Variants in NRG3 observed in about 807,000 individuals in gnomAD.
The protein encoded by NRG3 is pro-neuregulin-3, membrane-bound isoform.
In NRG3, 31 loss-of-function variants were observed where a neutral mutation model predicts 66.9. The observed-to-expected ratio is 0.46, with a 90% CI of 0.35 to 0.63. The LOEUF (loss-of-function observed/expected upper bound fraction) is 0.63, where lower values mean the gene tolerates loss of function less well. Among genes scored for constraint, NRG3 ranks in the 20% least tolerant of loss-of-function variants. The pLI is 0.00. For synonymous variants in NRG3, 393 were observed against 359.4 expected (o/e 1.09, Z -1.06); for missense variants, 910 against 878.9 (o/e 1.04, Z -0.45).
chr10:82,982,738 T>C (rs1254923264), intron 8 of NRG3, among the ~76,000 whole-genome samples: 3 of 152,202 alleles, frequency 2.0e-5, no homozygotes, highest in Admixed American at 6.5e-5. Context: ...TTCCAGAGCA[T>C]ATAGTAATTT....
chr10:81,972,060 A>G (rs1406959826), intron 1 of NRG3, among the ~76,000 whole-genome samples: 1 of 152,180 alleles, frequency 6.6e-6, no homozygotes, highest in African/African-American at 2.4e-5. Flanking sequence ...TGGAAATTTC[A>G]TAACCATCAG....
chr10:82,033,715 G>C (rs929193199), intron 1 of NRG3, among the ~76,000 whole-genome samples: 1 of 152,056 alleles, frequency 6.6e-6, no homozygotes, highest in African/African-American at 2.4e-5. Flanking sequence ...TTGTCATGCA[G>C]GATGCATCAG....
At chr10:82,442,881 C>G (rs2090512874) in intron 2 of NRG3, among the ~76,000 whole-genome samples, 1 of 139,088 alleles carries the variant, frequency 7.2e-6, no homozygotes, top group Non-Finnish European at 1.5e-5. Context: ...TCTAACAGGC[C>G]TGTTATGCCA....
At chr10:82,577,912 G>C (rs2046126517) in intron 2 of NRG3, among the ~76,000 whole-genome samples, 2 of 151,572 alleles carry the variant, frequency 1.3e-5, no homozygotes. Flanking sequence ...TTCTTTGCAA[G>C]CTTTTTAAAA....
At chr10:81,901,993 A>G (rs776411549) in intron 1 of NRG3, among the ~76,000 whole-genome samples, 8 of 152,184 alleles carry the variant, frequency 5.3e-5, no homozygotes, top group Non-Finnish European at 1.0e-4. Context: ...CTTTATAAGC[A>G]GGTAACTTCC....
At chr10:82,735,474 A>T (rs2058108287) in intron 2 of NRG3, among the ~76,000 whole-genome samples, 1 of 152,212 alleles carries the variant, frequency 6.6e-6, no homozygotes, top group Non-Finnish European at 1.5e-5. Flanking sequence ...TTATTGCAAC[A>T]CTATTTGCAA....
chr10:82,893,779 ACTTTT>A (rs1457386369), intron 4 of NRG3, among the ~76,000 whole-genome samples: 4 of 152,200 alleles, frequency 2.6e-5, no homozygotes, highest in African/African-American at 4.8e-5. Context: ...AAATTTATGA[ACTTTT>A]CTTATATTAG....
chr10:82,411,256 A>AAAGG (rs1270770839), intron 2 of NRG3, among the ~76,000 whole-genome samples: 14 of 152,032 alleles, frequency 9.2e-5, no homozygotes, highest in Admixed American at 3.9e-4. Context: ...TATAAGGAGG[A>AAAGG]AAGGAAGGAA....
At chr10:82,919,096 T>TGTGTGCGC (rs1198329719) in intron 4 of NRG3, among the ~76,000 whole-genome samples, 20 of 127,120 alleles carry the variant, frequency 1.6e-4, no homozygotes, top group African/African-American at 6.2e-4. Flanking sequence ...TGTGTGTGTG[T>TGTGTGCGC]GTGTATGTGT....
intron 1 of NRG3, among the ~76,000 whole-genome samples, chr10:82,298,026 C>A (rs1207805419): frequency 6.6e-6 from 1 of 152,124 alleles, no homozygotes; most frequent in Non-Finnish European, 1.5e-5. Flanking sequence ...TGCTTGTAGT[C>A]CCAACTACTG....
At chr10:82,418,712 C>T (rs1362598650) in intron 2 of NRG3, among the ~76,000 whole-genome samples, 2 of 152,040 alleles carry the variant, frequency 1.3e-5, no homozygotes, top group Admixed American at 6.6e-5. Context: ...GCAATCCTGC[C>T]TCCTCAGCCT....
rs760560069 is a variant in NRG3 at position 82,984,877 on chromosome 10, C to A, written c.1584-221C>A. On this transcript the variant is annotated intron_variant, in intron 8 of 8. Transcript: ENST00000372141. ...AAAGTAAGAAGATCTGGGTTTGAGT[C>A]TCAGTCTGTCACTTATTTTCTGTGT... 17 of 1,401,320 alleles carry A rather than the reference C, an allele frequency of 1.2e-5. No individual in the cohort carries two copies. In the East Asian group the frequency reaches 4.1e-4, roughly 34 times the overall value. 86.8% of individuals were successfully genotyped at this position (1,401,320 alleles called of 1,614,324 possible). A position where few individuals can be genotyped will look rare whatever the true frequency, so the allele number is the denominator to read the frequency against.
At chr10:82,689,919 A>G (rs2054793335) in intron 2 of NRG3, among the ~76,000 whole-genome samples, 1 of 152,158 alleles carries the variant, frequency 6.6e-6, no homozygotes, top group South Asian at 2.1e-4. Flanking sequence ...TCCAAGATAC[A>G]TTGCCAAACT....
At chr10:82,631,039 T>A (rs922287912) in intron 2 of NRG3, among the ~76,000 whole-genome samples, 3 of 152,226 alleles carry the variant, frequency 2.0e-5, no homozygotes, top group Non-Finnish European at 4.4e-5. Flanking sequence ...AAACAGTGTA[T>A]GCCTTTTATC....
chr10:82,121,174 A>G (rs1006668488), intron 1 of NRG3, among the ~76,000 whole-genome samples: 9 of 151,892 alleles, frequency 5.9e-5, no homozygotes, highest in Non-Finnish European at 1.2e-4. Flanking sequence ...TTCCACCACC[A>G]CAGTTTAGTC....
chr10:82,281,397 G>A (rs1183900304), intron 1 of NRG3, among the ~76,000 whole-genome samples: 1 of 152,078 alleles, frequency 6.6e-6, no homozygotes, highest in Non-Finnish European at 1.5e-5. Flanking sequence ...TAGGAGAGGA[G>A]GTATTACTCT....
At chr10:82,724,281 T>A (rs1356852420) in intron 2 of NRG3, among the ~76,000 whole-genome samples, 1 of 152,128 alleles carries the variant, frequency 6.6e-6, no homozygotes, top group Non-Finnish European at 1.5e-5. Context: ...ATGAGGCTTT[T>A]AATATGAAAT....
In NRG3 at chr10:82,723,221, A is replaced by G. The variant is rs150355632; in HGVS notation, c.954-15356A>G. Among the ~76,000 whole-genome samples, 862 of 152,294 alleles carry G rather than the reference A, an allele frequency of 5.7e-3. 11 individuals are homozygous for G. Among genetic ancestry groups the G allele is most frequent in the African/African-American group, 0.019 (806 of 41,562 alleles). ...CCTAAGCAAATTAGTATAAAAACAG[A>G]AAAACAAATATTGCATGCTCTCACC... On this transcript the variant is annotated intron_variant, in intron 2 of 8. Coordinates refer to ENST00000372141, the MANE Select transcript of NRG3 (RefSeq NM_001010848.4).
intron 1 of NRG3, among the ~76,000 whole-genome samples, chr10:82,193,570 G>C (rs2074281046): frequency 6.6e-6 from 1 of 152,190 alleles, no homozygotes; most frequent in African/African-American, 2.4e-5. Context: ...CTGGTTGCTA[G>C]ACCTAGGATA....
Sources: allele counts gnomAD v4.1 joint callset (sites outside exome capture counted in the v4.1 genomes callset), GRCh38; gene constraint gnomAD v4.1.1; transcripts MANE v1.5; gene names NCBI Gene and HGNC (gene_info 2026-07-23, HGNC 2026-07-21).